GUCY2F: variants seen among roughly 807,000 people sequenced by gnomAD.
GUCY2F encodes retinal guanylyl cyclase 2.
Under a neutral mutation model 73.1 loss-of-function variants are expected in GUCY2F, and 61 were observed. The observed-to-expected ratio is 0.83, with a 90% confidence interval of 0.68 to 1.03. The LOEUF is 1.03. Among genes scored for constraint, GUCY2F ranks in the 50% least tolerant of loss-of-function variants. The pLI is 0.00. For missense variants in GUCY2F, 912 were observed against 854.3 expected (o/e 1.07, Z -0.84); for synonymous variants, 331 against 307.8 (o/e 1.08, Z -0.79).
chrX:109,467,622 C>T (rs1323954989), intron 2 of GUCY2F, among the ~76,000 whole-genome samples: 1 of 112,274 alleles, frequency 8.9e-6, no homozygotes, highest in South Asian at 3.7e-4. Flanking sequence ...GCACTCATTC[C>T]ACCAGCTGCT....
chrX:109,433,806 C>A (rs762548587), intron 7 of GUCY2F, among the ~76,000 whole-genome samples: 55 of 111,181 alleles, frequency 4.9e-4, no homozygotes, highest in South Asian at 2.3e-3. Flanking sequence ...GGGGAAAGAG[C>A]ACTAGATCCT....
Position 109,382,187 on chromosome X carries a change from G to T in GUCY2F, c.3081C>A (p.Ser1027Arg). 1 of 1,181,270 alleles carries T rather than the reference G, an allele frequency of 8.5e-7. No individual in the cohort carries two copies. Among genetic ancestry groups the T allele is most frequent in the Non-Finnish European group, 1.2e-6 (1 of 868,091 alleles). The change falls in exon 17 of 20, where the codon AGC (serine) becomes AGA (arginine). Residue 1027 changes from serine (S) to arginine (R), a missense_variant. Physicochemically the swap from Ser to Arg is moderately radical, Grantham distance 110. Coordinates refer to ENST00000218006, the MANE Select transcript of GUCY2F (RefSeq NM_001522.3). ...GLPYRIHVSL[S>R]TVTILQNLSE... ...TCAGATTTTGAAGAATTGTAACAGT[G>T]CTGAGACTGACATGAATGCGATAAG...
intron 7 of GUCY2F, among the ~76,000 whole-genome samples, chrX:109,436,127 T>C (rs1931739440): frequency 9.0e-6 from 1 of 111,583 alleles, no homozygotes; most frequent in Non-Finnish European, 1.9e-5. Flanking sequence ...GGGCAAAGGA[T>C]ATGAACAGAC....
intron 12 of GUCY2F, among the ~76,000 whole-genome samples, chrX:109,394,051 G>C (rs181631528): frequency 2.4e-4 from 27 of 111,430 alleles, no homozygotes; most frequent in African/African-American, 8.5e-4. Flanking sequence ...GATGCTTTGG[G>C]CTCCCCCTAT....
chrX:109,443,416 C>T (rs1280503959), intron 6 of GUCY2F, among the ~76,000 whole-genome samples: 3 of 111,365 alleles, frequency 2.7e-5, no homozygotes, highest in Non-Finnish European at 5.7e-5. Context: ...ATTCATTTTT[C>T]TCACTCATAT....
At chrX:109,463,437 T>A (rs993358577) in intron 3 of GUCY2F, among the ~76,000 whole-genome samples, 1 of 99,919 alleles carries the variant, frequency 1.0e-5, no homozygotes, top group Non-Finnish European at 2.0e-5. Context: ...CTCACTCTTT[T>A]TTTTTTTTTT....
intron 8 of GUCY2F, among the ~76,000 whole-genome samples, chrX:109,426,671 G>A (rs1317245575): frequency 1.8e-5 from 2 of 112,556 alleles, no homozygotes; most frequent in Non-Finnish European, 1.9e-5. Context: ...TTACAGGCGT[G>A]AGCCACCACA....
intron 7 of GUCY2F, among the ~76,000 whole-genome samples, chrX:109,431,913 A>G (rs1411337630): frequency 1.8e-5 from 2 of 108,527 alleles, no homozygotes; most frequent in Non-Finnish European, 3.8e-5. Context: ...CTGGAAAAAA[A>G]AAAAAAAAAG....
chrX:109,391,375 T>C (rs1930556631), intron 14 of GUCY2F, among the ~76,000 whole-genome samples: 1 of 111,042 alleles, frequency 9.0e-6, no homozygotes, highest in Admixed American at 9.6e-5. Flanking sequence ...CCTGTAGCAA[T>C]CCCAAAGAGC....
intron 8 of GUCY2F, among the ~76,000 whole-genome samples, chrX:109,424,866 A>G (rs997671559): frequency 9.1e-6 from 1 of 109,994 alleles, no homozygotes; most frequent in Admixed American, 9.6e-5. Flanking sequence ...ACCCGGGTTC[A>G]AGCAATTCTC....
At position 109,388,556 on chromosome X, in the gene GUCY2F, A is replaced by G. The variant is rs1930490552; in HGVS notation, c.2889T>C (p.Ser963=). The change falls in exon 15 of 20, where the codon TCT becomes TCC. Residue 963 remains serine (S), a synonymous_variant. Coordinates refer to ENST00000218006, the MANE Select transcript of GUCY2F (RefSeq NM_001522.3). ...IANMSLDILS[S]VGTFKMRHMP... ...TGTGCCGCATCTTGAAAGTGCCCAC[A>G]GAGCTCAGGATATCTAAGGACATGT... 5.0e-6 allele frequency: 6 copies of G among 1,201,382 alleles called. No individual in the cohort carries two copies. The highest frequency in any genetic ancestry group is 6.8e-6 in the Non-Finnish European group (6 of 887,490).
intron 7 of GUCY2F, among the ~76,000 whole-genome samples, chrX:109,431,492 A>G: frequency 9.1e-6 from 1 of 110,482 alleles, no homozygotes; most frequent in Non-Finnish European, 1.9e-5. Context: ...AGGTCAGGAG[A>G]TCGAGACCAT....
intron 15 of GUCY2F, among the ~76,000 whole-genome samples, chrX:109,386,060 C>T (rs921355139): frequency 6.3e-5 from 7 of 111,299 alleles, no homozygotes; most frequent in African/African-American, 2.3e-4. Context: ...CCTCGGCCTC[C>T]CAAAGTACTG....
At chrX:109,387,784 G>A (rs1287828950) in intron 15 of GUCY2F, among the ~76,000 whole-genome samples, 1 of 111,960 alleles carries the variant, frequency 8.9e-6, no homozygotes, top group African/African-American at 3.2e-5. Flanking sequence ...TAGAGAACAG[G>A]AAGAGTCAAG....
chrX:109,382,772 C>A (rs1930348791), intron 16 of GUCY2F, among the ~76,000 whole-genome samples: 2 of 112,166 alleles, frequency 1.8e-5, no homozygotes, highest in Admixed American at 9.4e-5. Flanking sequence ...GTGGGGGCAC[C>A]TAGCTGTGTT....
intron 7 of GUCY2F, among the ~76,000 whole-genome samples, chrX:109,433,469 C>T (rs192189334): frequency 2.7e-5 from 3 of 112,122 alleles, no homozygotes; most frequent in East Asian, 2.8e-4. Context: ...TCTTTCCTCT[C>T]GTTAGGCTTT....
chrX:109,443,479 A>G (rs192695827), intron 6 of GUCY2F, among the ~76,000 whole-genome samples: 19 of 111,133 alleles, frequency 1.7e-4, no homozygotes, highest in Non-Finnish European at 3.6e-4. Flanking sequence ...CACAAGTGAA[A>G]AAAACTATCA....
intron 8 of GUCY2F, among the ~76,000 whole-genome samples, chrX:109,411,255 C>CAAA (rs60845603): frequency 6.9e-5 from 3 of 43,391 alleles, no homozygotes; most frequent in African/African-American, 1.4e-4. Context: ...ACTCCATTTT[C>CAAA]AAAAAAAAAA....
chrX:109,390,362 T>A (rs1209528383), intron 14 of GUCY2F, among the ~76,000 whole-genome samples: 2 of 112,019 alleles, frequency 1.8e-5, no homozygotes, highest in Non-Finnish European at 3.8e-5. Context: ...TTTCAGATTA[T>A]CAAGTACCAG....
Sources: gnomAD v4.1 joint callset for allele counts (sites outside exome capture counted in the v4.1 genomes callset) on GRCh38, gnomAD v4.1.1 for gene constraint, MANE v1.5 for transcripts, NCBI Gene and HGNC (gene_info 2026-07-23, HGNC 2026-07-21) for gene names.